RPSA2: variants seen among roughly 807,000 people sequenced by gnomAD.
The protein encoded by RPSA2 is ribosomal protein SA 2, also known as small ribosomal subunit protein uS2B.
chr19:23,844,017 C>G, the RPSA2 span, among the ~76,000 whole-genome samples: 79 of 152,244 alleles, frequency 5.2e-4, no homozygotes, highest in East Asian at 0.014. Context: ...CCTTGGCCTC[C>G]CAAAGTGCTG....
chr19:23,758,564 GGGA>G, the RPSA2 span, among the ~76,000 whole-genome samples: 11 of 152,332 alleles, frequency 7.2e-5, no homozygotes, highest in East Asian at 1.5e-3. Flanking sequence ...TCACTGAGCA[GGGA>G]GGAGAAAGGA....
At chr19:23,828,006 C>T in the RPSA2 span, 2 of 778,420 alleles carry the variant, frequency 2.6e-6, no homozygotes, top group Non-Finnish European at 4.3e-6. Flanking sequence ...GCTCCCACTG[C>T]TCAGGCCACT....
At chr19:23,846,198 T>C in the RPSA2 span, among the ~76,000 whole-genome samples, 1 of 152,232 alleles carries the variant, frequency 6.6e-6, no homozygotes, top group African/African-American at 2.4e-5. Flanking sequence ...TTTTAGTTTA[T>C]ATGTATCTTA....
At chr19:23,778,347 GGAT>G in the RPSA2 span, among the ~76,000 whole-genome samples, 1 of 152,104 alleles carries the variant, frequency 6.6e-6, no homozygotes, top group East Asian at 1.9e-4. Flanking sequence ...CAAGTAGCTG[GGAT>G]TACAGGCCTG....
chr19:23,782,084 C>T, the RPSA2 span: 1 of 152,582 alleles, frequency 6.6e-6, no homozygotes, highest in Non-Finnish European at 1.5e-5. Context: ...ACATATAGGC[C>T]ATTGTAACAT....
At chr19:23,819,091 G>A in the RPSA2 span, 1 of 152,138 alleles carries the variant, frequency 6.6e-6, no homozygotes, top group Non-Finnish European at 1.5e-5. Context: ...TAGAGGAGGA[G>A]GTTGAGCAAA....
the RPSA2 span, among the ~76,000 whole-genome samples, chr19:23,849,459 A>T: frequency 1.3e-5 from 2 of 152,104 alleles, no homozygotes; most frequent in Non-Finnish European, 2.9e-5. Context: ...CATGGATGCG[A>T]GGGGCAGCAG....
the RPSA2 span, chr19:23,832,180 C>A: frequency 2.4e-6 from 1 of 422,166 alleles, no homozygotes. Context: ...GCCCTCAACC[C>A]TAACTAGATA....
At chr19:23,792,906 T>C in the RPSA2 span, among the ~76,000 whole-genome samples, 23 of 152,242 alleles carry the variant, frequency 1.5e-4, no homozygotes, top group African/African-American at 5.1e-4. Context: ...AGGGGAATGT[T>C]TAAATTGAGT....
the RPSA2 span, among the ~76,000 whole-genome samples, chr19:23,776,544 T>C: frequency 6.6e-6 from 1 of 152,152 alleles, no homozygotes; most frequent in African/African-American, 2.4e-5. Flanking sequence ...ACTCTCTTGT[T>C]TGGGTTCTGC....
At chr19:23,831,486 A>G in the RPSA2 span, 1 of 152,748 alleles carries the variant, frequency 6.5e-6, no homozygotes, top group African/African-American at 2.4e-5. Flanking sequence ...GTATTTTGCA[A>G]TGCCCTCTTG....
At chr19:23,786,290 A>G in the RPSA2 span, among the ~76,000 whole-genome samples, 1 of 152,162 alleles carries the variant, frequency 6.6e-6, no homozygotes, top group Non-Finnish European at 1.5e-5. Flanking sequence ...CCTGTGCGGG[A>G]TTGTTAATTT....
chr19:23,811,985 C>A, the RPSA2 span, among the ~76,000 whole-genome samples: 3 of 152,050 alleles, frequency 2.0e-5, no homozygotes, highest in Non-Finnish European at 2.9e-5. Context: ...TATTGCCATA[C>A]AATAGATATC....
chr19:23,795,445 G>T, the RPSA2 span, among the ~76,000 whole-genome samples: 1 of 151,992 alleles, frequency 6.6e-6, no homozygotes, highest in African/African-American at 2.4e-5. Flanking sequence ...AATTGTTAAT[G>T]GTATTGTGTT....
the RPSA2 span, among the ~76,000 whole-genome samples, chr19:23,785,175 A>G: frequency 6.6e-6 from 1 of 152,192 alleles, no homozygotes; most frequent in Non-Finnish European, 1.5e-5. Context: ...GCATTGTGAC[A>G]TATGGCTGGG....
At chr19:23,803,106 T>C in the RPSA2 span, among the ~76,000 whole-genome samples, 1 of 152,106 alleles carries the variant, frequency 6.6e-6, no homozygotes, top group African/African-American at 2.4e-5. Flanking sequence ...TTTTTTTTTT[T>C]TTTGGTACAC....
the RPSA2 span, among the ~76,000 whole-genome samples, chr19:23,865,747 C>T: frequency 6.6e-6 from 1 of 152,160 alleles, no homozygotes; most frequent in Non-Finnish European, 1.5e-5. Flanking sequence ...CTTTTGGGAC[C>T]TTATGCTTTT....
the RPSA2 span, chr19:23,808,906 A>G: frequency 4.8e-5 from 16 of 333,276 alleles, no homozygotes; most frequent in African/African-American, 1.3e-4. Context: ...AGCTGTGTTC[A>G]AAAGGAAATA....
At chr19:23,832,245 G>A in the RPSA2 span, 74 of 444,004 alleles carry the variant, frequency 1.7e-4, no homozygotes, top group African/African-American at 4.7e-4. Context: ...GTGGCAAAGC[G>A]TTTACCCAGT....
Sources: allele counts gnomAD v4.1 joint callset (sites outside exome capture counted in the v4.1 genomes callset), GRCh38; gene constraint gnomAD v4.1.1; transcripts MANE v1.5; gene names NCBI Gene and HGNC (gene_info 2026-07-23, HGNC 2026-07-21).